The following LYRM4 variants were observed in gnomAD, a reference collection of about 807,000 sequenced individuals.
LYRM4 encodes LYR motif-containing protein 4.
A neutral mutation model predicts 11.7 loss-of-function variants in LYRM4; 9 were observed. The ratio of observed to expected loss-of-function variants is 0.77; its 90% CI spans 0.46 to 1.34. LYRM4 has a LOEUF of 1.34. Ranked by LOEUF, LYRM4 falls within the 40% of genes most tolerant of loss-of-function variation. The pLI, the probability that LYRM4 is intolerant of heterozygous loss-of-function variation, is 0.00. For missense variants in LYRM4, 133 were observed against 112.5 expected, an observed-to-expected ratio of 1.18 and a Z score of -0.82; for synonymous variants, 42 against 40.4, an observed-to-expected ratio of 1.04 and a Z score of -0.15.
At chr6:5,156,799 C>T (rs957530753) in intron 2 of LYRM4, among the ~76,000 whole-genome samples, 2 of 152,130 alleles carry the variant, frequency 1.3e-5, no homozygotes, top group South Asian at 2.1e-4. Context: ...TAGGAGAGTA[C>T]GGGTGAGAAT....
intron 2 of LYRM4, among the ~76,000 whole-genome samples, chr6:5,151,337 C>T (rs1169977530): frequency 1.3e-5 from 2 of 152,174 alleles, no homozygotes; most frequent in Non-Finnish European, 2.9e-5. Flanking sequence ...CCTGCCTCAG[C>T]CTCCCACAGT....
At chr6:5,195,397 G>A (rs1364200809) in intron 2 of LYRM4, among the ~76,000 whole-genome samples, 1 of 151,822 alleles carries the variant, frequency 6.6e-6, no homozygotes, top group Non-Finnish European at 1.5e-5. Context: ...ATCACTTGAG[G>A]TCAGGAGTTT....
intron 2 of LYRM4, among the ~76,000 whole-genome samples, chr6:5,203,896 A>T (rs376720509): frequency 3.4e-4 from 52 of 152,358 alleles, no homozygotes; most frequent in Middle Eastern, 3.4e-3. Context: ...TTGTTTTAGC[A>T]CTTGAGTTTT....
the LYRM4 span, among the ~76,000 whole-genome samples, chr6:5,049,650 C>CTGGTT: frequency 5.3e-5 from 8 of 151,756 alleles, no homozygotes; most frequent in Admixed American, 2.0e-4. Flanking sequence ...ATTCCTTCTC[C>CTGGTT]TGGTTTGGTT....
intron 2 of LYRM4, among the ~76,000 whole-genome samples, chr6:5,200,921 C>A (rs1030852368): frequency 6.6e-6 from 1 of 152,084 alleles, no homozygotes. Context: ...AGCCAGAAAG[C>A]CTTTTGTTCA....
At chr6:5,117,251 GTC>G (rs1158629489) in intron 2 of LYRM4, among the ~76,000 whole-genome samples, 1 of 152,190 alleles carries the variant, frequency 6.6e-6, no homozygotes, top group Non-Finnish European at 1.5e-5. Context: ...TGCTAGGCCT[GTC>G]TCTGTCAAGA....
intron 2 of LYRM4, among the ~76,000 whole-genome samples, chr6:5,185,195 T>C (rs2127683452): frequency 6.6e-6 from 1 of 152,310 alleles, no homozygotes. Context: ...CAAGGATAAA[T>C]ATGTGTCCAA....
At chr6:5,194,050 C>T (rs1000770258) in intron 2 of LYRM4, among the ~76,000 whole-genome samples, 2 of 122,942 alleles carry the variant, frequency 1.6e-5, no homozygotes, top group African/African-American at 6.6e-5. Context: ...TCCAGAGAAA[C>T]AGAACCAACA....
chr6:5,184,166 A>C (rs1407967826), intron 2 of LYRM4, among the ~76,000 whole-genome samples: 1 of 152,140 alleles, frequency 6.6e-6, no homozygotes, highest in Non-Finnish European at 1.5e-5. Flanking sequence ...GCCTGCATTG[A>C]AGACAAATTT....
At chr6:5,212,750 A>C (rs1442767070) in intron 2 of LYRM4, among the ~76,000 whole-genome samples, 2 of 152,230 alleles carry the variant, frequency 1.3e-5, no homozygotes. Flanking sequence ...AGTGGGAAAG[A>C]GATTCGAGAC....
chr6:5,116,411 G>C (rs777157754), intron 2 of LYRM4, among the ~76,000 whole-genome samples: 2 of 152,220 alleles, frequency 1.3e-5, no homozygotes, highest in Non-Finnish European at 2.9e-5. Flanking sequence ...ATCTCAGTGA[G>C]GGGTAAGGAG....
chr6:5,051,170 G>C, the LYRM4 span, among the ~76,000 whole-genome samples: 1 of 152,160 alleles, frequency 6.6e-6, no homozygotes, highest in Non-Finnish European at 1.5e-5. Context: ...CAGAGCCTTA[G>C]GAACCTCTGG....
chr6:5,060,360 G>A, the LYRM4 span, among the ~76,000 whole-genome samples: 2 of 152,184 alleles, frequency 1.3e-5, no homozygotes, highest in African/African-American at 4.8e-5. Flanking sequence ...GGATTTTTAA[G>A]CAGGTACATT....
Position 5,191,873 on chromosome 6 carries a change from A to G in LYRM4, c.207+24745T>C, listed in dbSNP as rs1760774016. On this transcript the variant is annotated intron_variant, in intron 2 of 2. Transcript: ENST00000330636. ...ATGGGCCTCCTGATGTGGTGCACTG[A>G]GAAGAATGCCATATTACTTACGTAG... is the stretch of plus-strand genomic sequence containing the variant. 3.9e-5 allele frequency among the ~76,000 whole-genome samples: 6 copies of G among 152,324 alleles called. No homozygotes were observed. The South Asian group carries it at 1.2e-3, about 32-fold the overall frequency.
chr6:5,199,032 T>C (rs1215724099), intron 2 of LYRM4, among the ~76,000 whole-genome samples: 1 of 152,230 alleles, frequency 6.6e-6, no homozygotes, highest in East Asian at 1.9e-4. Context: ...AGTCACCATA[T>C]GACCCAGCCA....
At chr6:5,185,377 C>T (rs1311184909) in intron 2 of LYRM4, among the ~76,000 whole-genome samples, 1 of 152,196 alleles carries the variant, frequency 6.6e-6, no homozygotes, top group Non-Finnish European at 1.5e-5. Flanking sequence ...GAGGACATGG[C>T]TTGTCTTCTG....
At position 5,217,090 on chromosome 6, in the gene LYRM4, C is replaced by T. The variant is rs138513081; in HGVS notation, c.87-352G>A. ...GACAAATCAAGAACTCAGAGGTTAG[C>T]GGCAGTGAACCATGATGGTGCTACT... On this transcript the variant is annotated intron_variant, in intron 1 of 2. Transcript: ENST00000330636. Among the ~76,000 whole-genome samples the T allele has an allele frequency of 6.4e-4, 98 of 152,266 alleles. 1 individual carries two copies. The highest frequency in any genetic ancestry group is 2.2e-3 in the African/African-American group (93 of 41,562).
At chr6:5,164,998 C>T (rs1479844641) in intron 2 of LYRM4, among the ~76,000 whole-genome samples, 2 of 149,732 alleles carry the variant, frequency 1.3e-5, no homozygotes, top group African/African-American at 4.9e-5. Flanking sequence ...TTTACTAGTG[C>T]CAAGAGAAAA....
chr6:5,252,685 G>C (rs1460652099), intron 1 of LYRM4, among the ~76,000 whole-genome samples: 1 of 152,092 alleles, frequency 6.6e-6, no homozygotes, highest in Non-Finnish European at 1.5e-5. Context: ...TAAACGTAAT[G>C]AAGTTTTGGT....
Sources: allele counts gnomAD v4.1 joint callset (sites outside exome capture counted in the v4.1 genomes callset), GRCh38; gene constraint gnomAD v4.1.1; transcripts MANE v1.5; gene names NCBI Gene and HGNC (gene_info 2026-07-23, HGNC 2026-07-21).